TSN: variants seen among roughly 807,000 people sequenced by gnomAD.
TSN encodes component 3 of promoter of RISC.
TSN carries 5 observed loss-of-function variants against 29.4 expected under a neutral mutation model. The observed-to-expected ratio is 0.17, with a 90% CI of 0.09 to 0.36. The LOEUF (loss-of-function observed/expected upper bound fraction) is 0.36, where lower values mean the gene tolerates loss of function less well. Among genes scored for constraint, TSN ranks in the 10% least tolerant of loss-of-function variants. The pLI is 1.00. For synonymous variants in TSN, 106 were observed against 102.2 expected (o/e 1.04, Z -0.23); for missense variants, 159 against 272.8 (o/e 0.58, Z 2.94).
chr2:121,762,047 C>T (rs1223998309), intron 4 of TSN, among the ~76,000 whole-genome samples: 2 of 151,292 alleles, frequency 1.3e-5, no homozygotes, highest in Non-Finnish European at 2.9e-5. Context: ...GGCTGTAGTG[C>T]AATGACGCAA....
At chr2:121,763,674 A>T (rs547083490) in intron 5 of TSN, among the ~76,000 whole-genome samples, 1 of 152,286 alleles carries the variant, frequency 6.6e-6, no homozygotes, top group South Asian at 2.1e-4. Flanking sequence ...ATTCCTGGTA[A>T]CTGTTAATCC....
chr2:121,761,427 G>A lies in TSN; in HGVS notation c.276G>A (p.Arg92=). 6.2e-7 allele frequency: 1 copy of A among 1,614,080 alleles called. No individual in the cohort carries two copies. Among genetic ancestry groups the A allele is most frequent in the Non-Finnish European group, 8.5e-7 (1 of 1,179,954 alleles). The change falls in exon 4 of 6, where the codon AGG becomes AGA. Residue 92 remains arginine, a synonymous_variant. Transcript: ENST00000389682. ...CATGCAGATTTCATGAGCACTGGAG[G>A]TTTGTGTTGCAGCGCTTGGTCTTCT... ...EQYYRFHEHW[R]FVLQRLVFLA... is the part of the protein sequence containing the mutation.
intron 2 of TSN, 142 bp downstream of exon 2, chr2:121,757,475 G>C: frequency 6.6e-7 from 1 of 1,514,812 alleles, no homozygotes; most frequent in Non-Finnish European, 8.9e-7. Context: ...GATAATTTTG[G>C]TTGATTTTTC....
chr2:121,763,710 G>T (rs2074865301), intron 5 of TSN, among the ~76,000 whole-genome samples: 1 of 152,080 alleles, frequency 6.6e-6, no homozygotes, highest in Admixed American at 6.5e-5. Context: ...ACACTCATTT[G>T]TCTATATAAC....
intron 5 of TSN, among the ~76,000 whole-genome samples, chr2:121,764,253 G>A (rs1279252416): frequency 2.0e-5 from 3 of 152,128 alleles, no homozygotes; most frequent in Non-Finnish European, 4.4e-5. Flanking sequence ...GGAGACACCT[G>A]ACCAGTAAAC....
At position 121,765,148 on chromosome 2, in the gene TSN, C is replaced by T. The variant is rs746880250; in HGVS notation, c.468C>T (p.Val156=). The T allele has an allele frequency of 6.2e-7, 1 of 1,614,150 alleles. No homozygotes were observed. Among genetic ancestry groups the T allele is most frequent in the South Asian group, 1.1e-5 (1 of 91,088 alleles). ...TCCTGGTACAGTCGAGGCTGTCTGT[C>T]AACAGCGTGACTGCTGGAGACTACT... The part of the protein sequence containing the change: ...ILASELSRLS[V]NSVTAGDYSR... Residue 156 remains valine, a synonymous_variant, in exon 6 of 6, where the codon GTC becomes GTT. Coordinates refer to ENST00000389682, the MANE Select transcript of TSN (RefSeq NM_004622.3).
In TSN at chr2:121,765,427, A is replaced by G. The variant is rs2074889561; in HGVS notation, c.*60A>G. On this transcript the variant is annotated 3_prime_UTR_variant, in exon 6 of 6. Transcript: ENST00000389682. Reference sequence around the variant, plus strand: ...GCGGTTGCCAGGAAGGGGTGAGCACAGAGTGCCTCTTACGGTAGTTAGGAT... The same window carrying G: ...GCGGTTGCCAGGAAGGGGTGAGCACGGAGTGCCTCTTACGGTAGTTAGGAT... 2.7e-6 allele frequency: 4 copies of G among 1,496,408 alleles called. No homozygotes were observed. In the Admixed American group the frequency reaches 6.9e-5, roughly 26 times the overall value. The allele number at this position is 1,496,408 out of a possible 1,614,324, so 92.7% of individuals were successfully genotyped here. A position where few individuals can be genotyped will look rare whatever the true frequency, so the allele number is the denominator to read the frequency against.
At chr2:121,758,570 C>A in intron 2 of TSN, 140 bp from the exon 3 acceptor site, 1 of 491,740 alleles carries the variant, frequency 2.0e-6, no homozygotes, top group Non-Finnish European at 3.4e-6. Flanking sequence ...TTTTGAAAGC[C>A]AGGTTGAAAA....
chr2:121,758,713 C>T lies in TSN; in HGVS notation c.164C>T (p.Pro55Leu). 6.4e-7 allele frequency: 1 copy of T among 1,574,450 alleles called. No homozygotes were observed. The highest frequency in any genetic ancestry group is 8.6e-7 in the Non-Finnish European group (1 of 1,164,352). The change falls in exon 3 of 6, where the codon CCA becomes CTA. Residue 55 changes from proline (P) to leucine (L), a missense_variant. Transcript: ENST00000389682. Reference sequence around the variant, plus strand: ...TTTGGTTATCTTTTGTGACTAGTTCCAAAGAGGTGTTTGAAAGCTCGAGAA... The same window carrying T: ...TTTGGTTATCTTTTGTGACTAGTTCTAAAGAGGTGTTTGAAAGCTCGAGAA... ...VHQGAGFQDIPKRCLKAREHF... is the reference protein window; with the variant it reads ...VHQGAGFQDILKRCLKAREHF...
intron 5 of TSN, among the ~76,000 whole-genome samples, chr2:121,763,362 G>T (rs1231098987): frequency 1.3e-5 from 2 of 152,138 alleles, no homozygotes; most frequent in East Asian, 1.9e-4. Flanking sequence ...AGCCAGGATG[G>T]TCTCGATCTC....
chr2:121,757,400 C>T, intron 2 of TSN, 67 bp downstream of exon 2: 3 of 1,605,410 alleles, frequency 1.9e-6, no homozygotes, highest in Non-Finnish European at 2.6e-6. Context: ...ATCCAGAAGA[C>T]ATTTTATAAT....
Position 121,765,118 on chromosome 2 carries a change from C to T in TSN, c.454-16C>T, listed in dbSNP as rs539964534. The T allele has an allele frequency of 5.6e-6, 9 of 1,612,600 alleles. No individual in the cohort carries two copies. The South Asian group carries it at 8.8e-5, about 16-fold the overall frequency. On this transcript the variant is annotated splice_polypyrimidine_tract_variant and intron_variant, in intron 5 of 5. Transcript: ENST00000389682. ...CCATGTTGTAACAAGCCCCTGTTTTCTCTTTCCTGGTACAGTCGAGGCTGT... is the reference window on the plus strand; with the variant it reads ...CCATGTTGTAACAAGCCCCTGTTTTTTCTTTCCTGGTACAGTCGAGGCTGT...
At chr2:121,761,230 T>A (rs533356013) in intron 3 of TSN, among the ~76,000 whole-genome samples, 179 bp from the exon 4 acceptor site, 20 of 152,238 alleles carry the variant, frequency 1.3e-4, no homozygotes, top group Non-Finnish European at 2.5e-4. Context: ...TTAATTGTTA[T>A]AAATTCGAAC....
At chr2:121,760,826 A>G (rs1001248236) in intron 3 of TSN, among the ~76,000 whole-genome samples, 33 of 151,444 alleles carry the variant, frequency 2.2e-4, no homozygotes, top group Non-Finnish European at 4.4e-5. Context: ...TTTAGAAGGC[A>G]CAATTGCTCT....
rs2074904166 is a variant in TSN, at chr2:121,766,544, C to CA, written c.*1178dup. 6.6e-6 allele frequency: 1 copy of CA among 152,162 alleles called. No homozygotes were observed. The highest frequency in any genetic ancestry group is 1.5e-5 in the Non-Finnish European group (1 of 68,042). The allele number at this position is 152,162 out of a possible 1,614,324, so 9.4% of individuals were successfully genotyped here. A position where few individuals can be genotyped will look rare whatever the true frequency, so the allele number is the denominator to read the frequency against. ...GGTTGTTGGTGACTATCCCAACAGT[C>CA]ATGTTTTAAATGTACAGTTTGGGGC... On this transcript the variant is annotated 3_prime_UTR_variant, in exon 6 of 6. Coordinates refer to ENST00000389682, the MANE Select transcript of TSN (RefSeq NM_004622.3).
intron 1 of TSN, chr2:121,756,625 C>T: frequency 7.7e-7 from 1 of 1,297,266 alleles, no homozygotes; most frequent in Non-Finnish European, 1.0e-6. Flanking sequence ...GAATTAGAGG[C>T]GGGGAGCGGC....
chr2:121,757,168 C>A, intron 1 of TSN, 72 bp from the exon 2 acceptor site: 2 of 1,367,180 alleles, frequency 1.5e-6, no homozygotes, highest in Non-Finnish European at 2.1e-6. Flanking sequence ...CATAAGCTAT[C>A]TAATGTGTTT....
chr2:121,761,376 C>T, intron 3 of TSN, 33 bp from the exon 4 acceptor site: 3 of 1,535,952 alleles, frequency 2.0e-6, no homozygotes, highest in Middle Eastern at 1.7e-4. Flanking sequence ...AGGTCCCTAA[C>T]CTTGGAGGCT....
rs139242094 is a variant in TSN at position 121,758,025 on chromosome 2, G to GTGTGTGTA, written c.161-667_161-660dup. Reference sequence around the variant, plus strand: ...CTTTTATTTGGCCCTTTGTGTGTGTGTGTGTGTATGTGTGTATGTGTGTAT... The same window carrying GTGTGTGTA: ...CTTTTATTTGGCCCTTTGTGTGTGTGTGTGTGTATGTGTGTATGTGTGTATGTGTGTAT... On this transcript the variant is annotated intron_variant, in intron 2 of 5. Coordinates refer to ENST00000389682, the MANE Select transcript of TSN (RefSeq NM_004622.3). Among the ~76,000 whole-genome samples, 31 of 152,136 alleles carry GTGTGTGTA rather than the reference G, an allele frequency of 2.0e-4. No individual in the cohort carries two copies. The East Asian group carries it at 4.6e-3, about 23-fold the overall frequency.
Sources: gnomAD v4.1 joint callset for allele counts (sites outside exome capture counted in the v4.1 genomes callset) on GRCh38, gnomAD v4.1.1 for gene constraint, MANE v1.5 for transcripts, NCBI Gene and HGNC (gene_info 2026-07-23, HGNC 2026-07-21) for gene names.